FERMT1: variants seen among roughly 807,000 people sequenced by gnomAD.
The protein encoded by FERMT1 is fermitin family homolog 1.
A neutral mutation model predicts 85.3 loss-of-function variants in FERMT1; 60 were observed. The observed-to-expected ratio is 0.70, with a 90% confidence interval of 0.57 to 0.87. The LOEUF (loss-of-function observed/expected upper bound fraction) is 0.87. Among genes scored for constraint, FERMT1 ranks in the 40% least tolerant of loss-of-function variants. The pLI, the probability that FERMT1 is intolerant of heterozygous loss-of-function variation, is 0.00. For synonymous variants in FERMT1, 275 were observed against 301.1 expected (o/e 0.91, Z 0.90); for missense variants, 701 against 818.9 (o/e 0.86, Z 1.76).
intron 3 of FERMT1, among the ~76,000 whole-genome samples, chr20:6,114,863 C>A (rs750520482): frequency 1.6e-4 from 25 of 152,044 alleles, no homozygotes; most frequent in Non-Finnish European, 7.4e-5. Flanking sequence ...CTCTTATATT[C>A]TTTTTTAACT....
chr20:6,110,631 A>G, intron 4 of FERMT1, 120 bp from the exon 5 acceptor site: 1 of 839,862 alleles, frequency 1.2e-6, no homozygotes, highest in East Asian at 2.5e-5. Context: ...ACCATTTAAA[A>G]TAATATAAGT....
rs540508810 is a variant in FERMT1 at position 6,105,915 on chromosome 20, G to A, written c.849+1617C>T. ...CTATTTTCAGAAAAAATGTAAGGCA[G>A]TTTATTAGAATAGATGGCATACAAC... On this transcript the variant is annotated intron_variant, in intron 6 of 14. Coordinates refer to ENST00000217289, the MANE Select transcript of FERMT1 (RefSeq NM_017671.5). 2.6e-5 allele frequency among the ~76,000 whole-genome samples: 4 copies of A among 152,326 alleles called. No individual in the cohort carries two copies. In the South Asian group the frequency reaches 8.3e-4, roughly 32 times the overall value.
chr20:6,097,129 C>A, intron 7 of FERMT1, 96 bp from the exon 8 acceptor site: 1 of 1,178,698 alleles, frequency 8.5e-7, no homozygotes, highest in Non-Finnish European at 1.3e-6. Flanking sequence ...GGACTATTCC[C>A]TTGGAATACT....
At chr20:6,091,137 T>G (rs894774308) in intron 9 of FERMT1, among the ~76,000 whole-genome samples, 5 of 151,998 alleles carry the variant, frequency 3.3e-5, no homozygotes, top group Non-Finnish European at 5.9e-5. Context: ...CACTCCAGCT[T>G]GGGTGACAGA....
chr20:6,111,644 AAAAC>A (rs1321823922), intron 4 of FERMT1, among the ~76,000 whole-genome samples: 21 of 136,298 alleles, frequency 1.5e-4, no homozygotes, highest in African/African-American at 4.9e-4. Flanking sequence ...AAAACAAAAC[AAAAC>A]AAACAAACAA....
intron 6 of FERMT1, among the ~76,000 whole-genome samples, chr20:6,103,428 A>G (rs763719790): frequency 3.8e-4 from 58 of 152,208 alleles, no homozygotes; most frequent in Non-Finnish European, 6.8e-4. Context: ...ACTGTGCTAT[A>G]AACACCTAGG....
chr20:6,120,786 T>C (rs547944140), intron 1 of FERMT1, among the ~76,000 whole-genome samples: 39 of 152,294 alleles, frequency 2.6e-4, no homozygotes, highest in African/African-American at 8.4e-4. Context: ...ATGCAGATTC[T>C]ATTCAGCAGG....
chr20:6,107,616 G>C lies in FERMT1; in HGVS notation c.765C>G (p.Arg255=), dbSNP rs758315662. 2.5e-6 allele frequency: 4 copies of C among 1,609,910 alleles called. No individual in the cohort carries two copies. In the East Asian group the frequency reaches 8.9e-5, roughly 36 times the overall value. ...KLNAGWLDSS[R]SLMEQGIQED... ...CTTGGATGCCTTGTTCCATAAGGGA[G>C]CGTGAGGAGTCTAGCCAACTAGAAA... The change falls in exon 6 of 15, where the codon CGC becomes CGG. Residue 255 remains arginine (R), a synonymous_variant. Transcript: ENST00000217289.
intron 6 of FERMT1, among the ~76,000 whole-genome samples, chr20:6,107,041 T>C (rs1309358959): frequency 3.3e-5 from 5 of 151,832 alleles, no homozygotes; most frequent in Admixed American, 2.6e-4. Flanking sequence ...ACTAAAAACA[T>C]AAAAATTAGC....
intron 6 of FERMT1, among the ~76,000 whole-genome samples, chr20:6,100,735 T>G (rs1057192412): frequency 3.9e-5 from 6 of 152,188 alleles, no homozygotes; most frequent in African/African-American, 1.4e-4. Context: ...ACAAGAGGCC[T>G]AAAAGTTGTG....
At chr20:6,084,574 A>T (rs762313033) in intron 12 of FERMT1, among the ~76,000 whole-genome samples, 1 of 152,220 alleles carries the variant, frequency 6.6e-6, no homozygotes, top group Non-Finnish European at 1.5e-5. Context: ...AGTCAGCAGT[A>T]CAGTCACCTC....
At chr20:6,100,887 T>C (rs1982643460) in intron 6 of FERMT1, among the ~76,000 whole-genome samples, 1 of 152,134 alleles carries the variant, frequency 6.6e-6, no homozygotes, top group South Asian at 2.1e-4. Flanking sequence ...AAGTTTGTAA[T>C]AAATATAAAA....
At chr20:6,112,173 G>C (rs943482312) in intron 4 of FERMT1, among the ~76,000 whole-genome samples, 2 of 152,126 alleles carry the variant, frequency 1.3e-5, no homozygotes, top group African/African-American at 4.8e-5. Flanking sequence ...ACCGTGACCA[G>C]CCAGTTACCT....
At chr20:6,119,655 T>C in intron 1 of FERMT1, 83 bp from the exon 2 acceptor site, 1 of 1,172,262 alleles carries the variant, frequency 8.5e-7, no homozygotes, top group South Asian at 1.4e-5. Context: ...AAAATTTCTT[T>C]TTTGTTTTGT....
Position 6,094,806 on chromosome 20 carries a change from G to T in FERMT1, c.1139+133C>A, listed in dbSNP as rs796855469. 3.1e-5 allele frequency: 22 copies of T among 699,534 alleles called. No individual in the cohort carries two copies. In the South Asian group the frequency reaches 3.2e-4, roughly 10 times the overall value. 43.3% of individuals were successfully genotyped at this position (699,534 alleles called of 1,614,324 possible). A position where few individuals can be genotyped will look rare whatever the true frequency, so the allele number is the denominator to read the frequency against. ...AGAGCTACGACTCAACCCATTGTTTGTCTGATGGCAAAGCGCACATTTTAC... is the reference window on the plus strand; with the variant it reads ...AGAGCTACGACTCAACCCATTGTTTTTCTGATGGCAAAGCGCACATTTTAC... On this transcript the variant is annotated intron_variant, in intron 9 of 14. Transcript: ENST00000217289.
chr20:6,086,812 C>T (rs1982200268), intron 11 of FERMT1, among the ~76,000 whole-genome samples: 1 of 152,122 alleles, frequency 6.6e-6, no homozygotes, highest in South Asian at 2.1e-4. Context: ...TGTAAGTTTC[C>T]TGAGGCCTCC....
intron 8 of FERMT1, among the ~76,000 whole-genome samples, chr20:6,095,404 T>A (rs1982473894): frequency 6.6e-6 from 1 of 152,232 alleles, no homozygotes; most frequent in Non-Finnish European, 1.5e-5. Flanking sequence ...TCCCTATAAC[T>A]ATCATTCAAG....
intron 9 of FERMT1, among the ~76,000 whole-genome samples, chr20:6,093,830 C>T (rs1389340807): frequency 6.6e-6 from 1 of 152,132 alleles, no homozygotes; most frequent in African/African-American, 2.4e-5. Context: ...ATGATGGGCA[C>T]CTGTAATCCC....
intron 3 of FERMT1, among the ~76,000 whole-genome samples, chr20:6,113,149 G>A (rs1038107635): frequency 1.8e-4 from 28 of 152,282 alleles, no homozygotes; most frequent in African/African-American, 6.0e-4. Flanking sequence ...AGTCTCATGA[G>A]ATCTGATGGT....
Sources: allele counts gnomAD v4.1 joint callset (sites outside exome capture counted in the v4.1 genomes callset), GRCh38; gene constraint gnomAD v4.1.1; transcripts MANE v1.5; gene names NCBI Gene and HGNC (gene_info 2026-07-23, HGNC 2026-07-21).